The following GPHN variants were observed in gnomAD, a reference collection of about 807,000 sequenced individuals.
GPHN encodes gephyrin.
Under a neutral mutation model 95.5 loss-of-function variants are expected in GPHN, and 17 were observed. That is an observed-to-expected ratio of 0.18 (90% CI 0.12 to 0.27). GPHN has a LOEUF of 0.27. GPHN is among the 10% of genes least tolerant of loss of function. The probability of loss-of-function intolerance (pLI) is 1.00; values close to 1 mark genes in which losing one functional copy is unlikely to be tolerated. For synonymous variants in GPHN, 320 were observed against 322.5 expected, an observed-to-expected ratio of 0.99 and a Z score of 0.08; for missense variants, 660 against 978.1, an observed-to-expected ratio of 0.67 and a Z score of 4.34.
the GPHN span, among the ~76,000 whole-genome samples, chr14:67,465,148 C>A: frequency 6.6e-6 from 1 of 152,258 alleles, no homozygotes; most frequent in Non-Finnish European, 1.5e-5. Context: ...GACCGGCACA[C>A]AGAGGGCTTC....
At position 66,880,046 on chromosome 14, in the gene GPHN, C is replaced by G. The variant is rs2153533857; in HGVS notation, c.389+13C>G. ...GCATGCTCTCTAGGTAAGAAAGTCA[C>G]CAACATGTTGCAAACCATTTGCTAG... On this transcript the variant is annotated intron_variant, in intron 5 of 22. Transcript: ENST00000478722. 1 of 1,505,778 alleles carries G rather than the reference C, an allele frequency of 6.6e-7. No individual in the cohort carries two copies. 93.3% of individuals were successfully genotyped at this position (1,505,778 alleles called of 1,614,324 possible). A position where few individuals can be genotyped will look rare whatever the true frequency, so the allele number is the denominator to read the frequency against.
At chr14:67,221,696 G>T in the GPHN span, 2 of 1,565,844 alleles carry the variant, frequency 1.3e-6, no homozygotes, top group South Asian at 2.3e-5. Context: ...AAGAATGACC[G>T]GTTATTTTAT....
chr14:66,941,529 A>G (rs939573855), intron 8 of GPHN, among the ~76,000 whole-genome samples: 1 of 152,098 alleles, frequency 6.6e-6, no homozygotes, highest in Non-Finnish European at 1.5e-5. Flanking sequence ...GCCTGTTAGA[A>G]AGAGACATTC....
intron 8 of GPHN, among the ~76,000 whole-genome samples, chr14:66,944,850 C>T (rs988324077): frequency 2.6e-5 from 4 of 152,234 alleles, no homozygotes; most frequent in African/African-American, 9.6e-5. Context: ...ATTGGCCAGC[C>T]TGCCATTAGG....
rs763164125 is a variant in GPHN at position 67,128,260 on chromosome 14, C to CTTTT, written c.1748+5894_1748+5897dup. ...ACTTTTAAGCACAACCCTATTTCTACTTTTTTTTTTTTTTGAGACGGAGTC... is the reference window on the plus strand; with the variant it reads ...ACTTTTAAGCACAACCCTATTTCTACTTTTTTTTTTTTTTTTTTGAGACGGAGTC... On this transcript the variant is annotated intron_variant, in intron 17 of 22. Coordinates refer to ENST00000478722, the MANE Select transcript of GPHN (RefSeq NM_020806.5). Among the ~76,000 whole-genome samples the CTTTT allele has an allele frequency of 2.9e-3, 415 of 144,714 alleles. 4 individuals are homozygous for CTTTT. The highest frequency in any genetic ancestry group is 9.5e-3 in the African/African-American group (379 of 39,744). The allele number at this position is 144,714 out of a possible 152,430, so 94.9% of individuals were successfully genotyped here.
At chr14:67,473,179 G>A in the GPHN span, 5 of 547,326 alleles carry the variant, frequency 9.1e-6, no homozygotes, top group South Asian at 2.1e-5. This position sits in a 1 kb window ranked among gnomAD's most constrained non-coding sequence, Gnocchi z 6.5. Context: ...CCCCTGAACT[G>A]GGCCGCGATC....
At chr14:66,553,020 C>T (rs72724583) in intron 1 of GPHN, among the ~76,000 whole-genome samples, 5,991 of 143,344 alleles carry the variant, frequency 0.042, 178 homozygotes, top group Middle Eastern at 0.068. Context: ...ACAAGAGTTT[C>T]GTTGTTGTTT....
intron 3 of GPHN, among the ~76,000 whole-genome samples, chr14:66,810,220 T>G (rs778499098): frequency 6.6e-6 from 1 of 151,954 alleles, no homozygotes; most frequent in Non-Finnish European, 1.5e-5. Flanking sequence ...AAGTCTATAG[T>G]AACACCTATA....
At chr14:66,950,712 C>T (rs1470133479) in intron 8 of GPHN, among the ~76,000 whole-genome samples, 1 of 152,078 alleles carries the variant, frequency 6.6e-6, no homozygotes, top group Admixed American at 6.6e-5. Context: ...TAGGCAAGAA[C>T]ACATGAGCAC....
intron 2 of GPHN, among the ~76,000 whole-genome samples, chr14:66,715,358 T>G (rs1472854722): frequency 6.6e-6 from 1 of 152,168 alleles, no homozygotes; most frequent in Non-Finnish European, 1.5e-5. Flanking sequence ...CTTATTTGGA[T>G]TTTTTGTCTC....
chr14:66,758,941 G>A lies in GPHN; in HGVS notation c.144-17523G>A, dbSNP rs544287253. On this transcript the variant is annotated intron_variant, in intron 2 of 22. Transcript: ENST00000478722. Reference sequence around the variant, plus strand: ...ATGAGATTAGAATTTAATGGCAAGTGTATGATAAGTTTTGAAACATAATTT... The same window carrying A: ...ATGAGATTAGAATTTAATGGCAAGTATATGATAAGTTTTGAAACATAATTT... Among the ~76,000 whole-genome samples the A allele has an allele frequency of 9.2e-5, 14 of 152,286 alleles. No homozygotes were observed. The South Asian group carries it at 2.9e-3, about 32-fold the overall frequency.
In GPHN at chr14:67,180,818, A is replaced by G; in HGVS notation, c.2191A>G (p.Ser731Gly). ...TTTCTTTCTAGGTAATCAAATGAGC[A>G]GCCGTCTGATGAGCATGCGCAGTGC... Reference protein sequence around the residue: ...WAQSTGNQMSSRLMSMRSANG... With the variant: ...WAQSTGNQMSGRLMSMRSANG... Residue 731 changes from serine to glycine, a missense_variant, in exon 23 of 23, where the codon AGC becomes GGC. By Grantham distance (56) the Ser-to-Gly change is moderately conservative. Transcript: ENST00000478722. 1 of 1,613,796 alleles carries G rather than the reference A, an allele frequency of 6.2e-7. No homozygotes were observed. The highest frequency in any genetic ancestry group is 8.5e-7 in the Non-Finnish European group (1 of 1,179,828).
intron 21 of GPHN, among the ~76,000 whole-genome samples, chr14:67,170,738 G>A (rs1474809175): frequency 6.6e-6 from 1 of 152,160 alleles, no homozygotes; most frequent in African/African-American, 2.4e-5. Flanking sequence ...TGCCAGTATG[G>A]GTCATCAGTA....
At chr14:66,946,894 A>G (rs2067790212) in intron 8 of GPHN, among the ~76,000 whole-genome samples, 1 of 152,162 alleles carries the variant, frequency 6.6e-6, no homozygotes. Context: ...ACTATCATCT[A>G]TCATCTTTCA....
chr14:66,825,738 A>G (rs774471515), intron 4 of GPHN, among the ~76,000 whole-genome samples: 7 of 152,216 alleles, frequency 4.6e-5, no homozygotes, highest in Non-Finnish European at 1.0e-4. Context: ...GGTTTTAAAT[A>G]AAATAGTTTT....
intron 1 of GPHN, among the ~76,000 whole-genome samples, chr14:66,550,855 TG>T (rs201333958): frequency 9.9e-5 from 15 of 151,252 alleles, no homozygotes; most frequent in African/African-American, 3.4e-4. Flanking sequence ...GGTTTTTTTT[TG>T]TTGTTGTTGT....
intron 5 of GPHN, among the ~76,000 whole-genome samples, chr14:66,887,596 T>C (rs1325449204): frequency 6.6e-6 from 1 of 151,974 alleles, no homozygotes; most frequent in African/African-American, 2.4e-5. Flanking sequence ...GACCAAGACC[T>C]AATGATAGGA....
the GPHN span, among the ~76,000 whole-genome samples, chr14:67,710,548 A>G: frequency 6.6e-6 from 1 of 152,160 alleles, no homozygotes; most frequent in African/African-American, 2.4e-5. Context: ...TTTACCACAC[A>G]ATATTCTTTT....
chr14:67,674,020 G>C, the GPHN span, among the ~76,000 whole-genome samples: 2 of 152,182 alleles, frequency 1.3e-5, no homozygotes, highest in Admixed American at 1.3e-4. Flanking sequence ...AACTAGACCT[G>C]TCTTGAGACT....
Sources: gnomAD v4.1 joint callset for allele counts (sites outside exome capture counted in the v4.1 genomes callset) on GRCh38, gnomAD v4.1.1 for gene constraint, Gnocchi (gnomAD v3.1) non-coding constraint, MANE v1.5 for transcripts, NCBI Gene and HGNC (gene_info 2026-07-23, HGNC 2026-07-21) for gene names.